WDR41: variants seen among roughly 807,000 people sequenced by gnomAD.
The protein encoded by WDR41 is WD repeat-containing protein 41.
A neutral mutation model predicts 69.3 loss-of-function variants in WDR41; 63 were observed. That is an observed-to-expected ratio of 0.91 (90% CI 0.74 to 1.12). The LOEUF (loss-of-function observed/expected upper bound fraction) is 1.12, where lower values mean the gene tolerates loss of function less well. WDR41 is among the 50% of genes most tolerant of loss of function. The pLI, the probability that WDR41 is intolerant of heterozygous loss-of-function variation, is 0.00. For synonymous variants in WDR41, 185 were observed against 192.1 expected (o/e 0.96, Z 0.31); for missense variants, 543 against 534.5 (o/e 1.02, Z -0.16).
intron 8 of WDR41, among the ~76,000 whole-genome samples, chr5:77,444,844 T>C (rs1328690184): frequency 6.6e-6 from 1 of 152,230 alleles, no homozygotes; most frequent in Non-Finnish European, 1.5e-5. Context: ...CTTTGGCTTA[T>C]TTATTATCTG....
At chr5:77,605,823 T>C (rs1410431688) in intron 1 of WDR41, among the ~76,000 whole-genome samples, 1 of 152,144 alleles carries the variant, frequency 6.6e-6, no homozygotes, top group African/African-American at 2.4e-5. Flanking sequence ...AAAAAAAATA[T>C]GATAGGTAAA....
At chr5:77,512,517 C>T (rs969537795) in intron 1 of WDR41, among the ~76,000 whole-genome samples, 3 of 150,606 alleles carry the variant, frequency 2.0e-5, no homozygotes, top group Admixed American at 1.3e-4. Context: ...TTTGGGAGGC[C>T]GAGGCAGGCG....
chr5:77,472,193 T>C (rs977969729), intron 2 of WDR41, among the ~76,000 whole-genome samples: 2 of 152,200 alleles, frequency 1.3e-5, no homozygotes, highest in Non-Finnish European at 2.9e-5. Context: ...TCTCAACAGA[T>C]GCAGAAAAGG....
intron 1 of WDR41, among the ~76,000 whole-genome samples, chr5:77,606,032 T>G (rs1744411278): frequency 6.6e-6 from 1 of 152,098 alleles, no homozygotes; most frequent in African/African-American, 2.4e-5. Context: ...AGTCAATGAT[T>G]TGGAGCAGTT....
intron 1 of WDR41, among the ~76,000 whole-genome samples, chr5:77,553,701 T>G (rs538420396): frequency 4.7e-4 from 71 of 152,304 alleles, no homozygotes; most frequent in African/African-American, 1.6e-3. Flanking sequence ...TTCAATATCA[T>G]AAGCTGTTAG....
At chr5:77,589,670 T>G (rs1030097002) in intron 1 of WDR41, among the ~76,000 whole-genome samples, 4 of 152,210 alleles carry the variant, frequency 2.6e-5, no homozygotes, top group Non-Finnish European at 5.9e-5. Flanking sequence ...CATATAAACA[T>G]GATTGATTTT....
chr5:77,512,772 C>T (rs1010776485), intron 1 of WDR41, among the ~76,000 whole-genome samples: 1 of 141,900 alleles, frequency 7.0e-6, no homozygotes, highest in Non-Finnish European at 1.6e-5. Context: ...AAAAATTGGT[C>T]AGGCGGGACC....
chr5:77,493,443 T>A (rs1368488268), upstream of WDR41, among the ~76,000 whole-genome samples: 3 of 152,154 alleles, frequency 2.0e-5, no homozygotes, highest in Admixed American at 6.5e-5. Context: ...CAAGGCATAA[T>A]GTCCCAGTCA....
chr5:77,609,682 G>C (rs1423615317), intron 1 of WDR41, among the ~76,000 whole-genome samples: 7 of 152,052 alleles, frequency 4.6e-5, no homozygotes, highest in Middle Eastern at 3.4e-3. Context: ...AAGACCAAAA[G>C]TAGATAAAAC....
At chr5:77,590,217 G>GATT (rs1307564148) in intron 1 of WDR41, among the ~76,000 whole-genome samples, 1 of 152,146 alleles carries the variant, frequency 6.6e-6, no homozygotes. Flanking sequence ...TAGATAGCTG[G>GATT]ATTAGATTTG....
intron 1 of WDR41, chr5:77,545,919 C>T (rs748892045): frequency 1.3e-4 from 65 of 514,470 alleles, no homozygotes; most frequent in Non-Finnish European, 2.0e-4. Context: ...TGGAAAGCCC[C>T]ATGCCATCCC....
At chr5:77,585,103 C>T (rs148798700) in intron 1 of WDR41, among the ~76,000 whole-genome samples, 2,834 of 151,212 alleles carry the variant, frequency 0.019, 78 homozygotes, top group Middle Eastern at 0.044. Context: ...CCAGAATCTA[C>T]AACAAACTTA....
chr5:77,528,871 A>G (rs1356698056), intron 1 of WDR41, among the ~76,000 whole-genome samples: 1 of 151,602 alleles, frequency 6.6e-6, no homozygotes, highest in East Asian at 1.9e-4. Flanking sequence ...GCAAACTACA[A>G]TTAGAAGTGA....
At chr5:77,442,894 C>CAAAAAAAAAAAAAAAA (rs60442242) in intron 8 of WDR41, among the ~76,000 whole-genome samples, 823 of 56,148 alleles carry the variant, frequency 0.015, 102 homozygotes, top group Middle Eastern at 0.038. Context: ...TCTGTCTCCC[C>CAAAAAAAAAAAAAAAA]AAAAAAAAAA....
intron 2 of WDR41, among the ~76,000 whole-genome samples, chr5:77,468,773 C>G (rs1305595794): frequency 6.6e-6 from 1 of 152,146 alleles, no homozygotes; most frequent in East Asian, 1.9e-4. Flanking sequence ...TTCCACCTAA[C>G]CTGCAAGTAC....
At chr5:77,450,775 G>A (rs1021510739) in intron 7 of WDR41, among the ~76,000 whole-genome samples, 19 of 152,272 alleles carry the variant, frequency 1.2e-4, no homozygotes, top group African/African-American at 4.6e-4. Context: ...CTGAGATCAT[G>A]TCCTTTTCAA....
intron 1 of WDR41, among the ~76,000 whole-genome samples, chr5:77,618,137 C>T (rs1181301998): frequency 6.6e-6 from 1 of 152,160 alleles, no homozygotes; most frequent in Non-Finnish European, 1.5e-5. Flanking sequence ...AGATGTGACC[C>T]GTTCCTGAGG....
intron 2 of WDR41, among the ~76,000 whole-genome samples, chr5:77,474,052 T>C (rs367666990): frequency 3.9e-5 from 6 of 152,100 alleles, no homozygotes; most frequent in Admixed American, 1.3e-4. Context: ...CCAACAATGA[T>C]AGACTGGATT....
At chr5:77,486,480 A>C (rs928755036) in intron 2 of WDR41, among the ~76,000 whole-genome samples, 3 of 152,206 alleles carry the variant, frequency 2.0e-5, no homozygotes, top group Non-Finnish European at 4.4e-5. Flanking sequence ...CTACCATGAG[A>C]GGTCAAGTTT....
Sources: gnomAD v4.1 joint callset for allele counts (sites outside exome capture counted in the v4.1 genomes callset) on GRCh38, gnomAD v4.1.1 for gene constraint, MANE v1.5 for transcripts, NCBI Gene and HGNC (gene_info 2026-07-23, HGNC 2026-07-21) for gene names.